The following DAB1 variants were observed in gnomAD, a reference collection of about 807,000 sequenced individuals.
DAB1 encodes the protein DAB adaptor protein 1.
In DAB1, 15 loss-of-function variants were observed where a neutral mutation model predicts 64.6. That is an observed-to-expected ratio of 0.23 (90% confidence interval 0.16 to 0.36). The LOEUF (loss-of-function observed/expected upper bound fraction) is 0.36. DAB1 is among the 10% of genes least tolerant of loss of function. The probability of loss-of-function intolerance (pLI) is 1.00; values close to 1 mark genes in which losing one functional copy is unlikely to be tolerated. For missense variants in DAB1, 596 were observed against 706.7 expected, an observed-to-expected ratio of 0.84 and a Z score of 1.78; for synonymous variants, 235 against 251.9, an observed-to-expected ratio of 0.93 and a Z score of 0.64.
intron 2 of DAB1, among the ~76,000 whole-genome samples, chr1:57,172,791 C>G (rs1661911309): frequency 6.6e-6 from 1 of 152,120 alleles, no homozygotes; most frequent in Non-Finnish European, 1.5e-5. Context: ...GCCCCATGAC[C>G]CAAACATCTC....
intron 2 of DAB1, among the ~76,000 whole-genome samples, chr1:57,203,597 A>G (rs1665285407): frequency 6.6e-6 from 1 of 152,230 alleles, no homozygotes; most frequent in Admixed American, 6.5e-5. Context: ...TACTGTGGAC[A>G]AATTGGCCAG....
intron 6 of DAB1, among the ~76,000 whole-genome samples, chr1:57,667,551 C>G (rs142171686): frequency 6.6e-6 from 1 of 152,072 alleles, no homozygotes; most frequent in African/African-American, 2.4e-5. Context: ...CCACACCTGT[C>G]TTGTCATAGA....
chr1:57,784,450 A>C (rs183282038), intron 6 of DAB1, among the ~76,000 whole-genome samples: 1 of 152,174 alleles, frequency 6.6e-6, no homozygotes. Flanking sequence ...TAAACAGCCA[A>C]GTTATACATG....
At chr1:57,918,634 C>T (rs1343034801) in intron 5 of DAB1, among the ~76,000 whole-genome samples, 1 of 152,096 alleles carries the variant, frequency 6.6e-6, no homozygotes, top group East Asian at 1.9e-4. Flanking sequence ...ACCATCCTGG[C>T]TAACACAGTG....
At chr1:57,262,082 A>C (rs1205180957) in intron 2 of DAB1, among the ~76,000 whole-genome samples, 1 of 152,206 alleles carries the variant, frequency 6.6e-6, no homozygotes, top group Non-Finnish European at 1.5e-5. Context: ...TCAACAGGGG[A>C]AACAATTCTG....
At chr1:57,064,978 T>C (rs1489011257) in intron 8 of DAB1, among the ~76,000 whole-genome samples, 1 of 152,176 alleles carries the variant, frequency 6.6e-6, no homozygotes, top group Non-Finnish European at 1.5e-5. Context: ...CAACCTTTAC[T>C]GAGAAAAATG....
intron 1 of DAB1, among the ~76,000 whole-genome samples, chr1:57,367,949 C>T (rs975023880): frequency 2.6e-5 from 4 of 152,226 alleles, no homozygotes; most frequent in African/African-American, 9.6e-5. Context: ...CCGCCCAAAC[C>T]ACAGCTGTGG....
At chr1:57,240,033 G>T (rs1043796176) in intron 2 of DAB1, among the ~76,000 whole-genome samples, 1 of 152,066 alleles carries the variant, frequency 6.6e-6, no homozygotes, top group Non-Finnish European at 1.5e-5. Context: ...ATCTGTCTAG[G>T]GCACAATGCA....
intron 4 of DAB1, among the ~76,000 whole-genome samples, chr1:57,123,292 G>A (rs746975093): frequency 3.9e-5 from 6 of 152,000 alleles, no homozygotes; most frequent in African/African-American, 9.7e-5. Context: ...ATCCTTTGGC[G>A]TCATTCAGAT....
chr1:57,085,032 T>C (rs1652933179), intron 4 of DAB1, among the ~76,000 whole-genome samples: 1 of 152,220 alleles, frequency 6.6e-6, no homozygotes, highest in Admixed American at 6.5e-5. Context: ...AACACCGTTC[T>C]GTAGCCATCT....
intron 1 of DAB1, among the ~76,000 whole-genome samples, chr1:57,830,569 T>C (rs1652541245): frequency 6.6e-6 from 1 of 152,152 alleles, no homozygotes; most frequent in African/African-American, 2.4e-5. Flanking sequence ...TGAGTATGTA[T>C]GTCTCCTTAC....
chr1:57,325,999 C>T (rs536861036), intron 1 of DAB1, among the ~76,000 whole-genome samples: 17 of 152,174 alleles, frequency 1.1e-4, no homozygotes, highest in Admixed American at 5.9e-4. Context: ...AGAAATCACC[C>T]GCAAATGATT....
intron 7 of DAB1, among the ~76,000 whole-genome samples, chr1:57,471,614 T>G (rs538784258): frequency 2.0e-5 from 3 of 152,280 alleles, no homozygotes; most frequent in African/African-American, 7.2e-5. Flanking sequence ...TCTGTTGGTT[T>G]TAAAAAGGGG....
At chr1:57,780,762 T>C (rs1323830) in intron 6 of DAB1, among the ~76,000 whole-genome samples, 74,840 of 147,440 alleles carry the variant, frequency 0.51, 19,384 homozygotes, top group South Asian at 0.64. Flanking sequence ...TTCTTTTTTC[T>C]TTTTTTTTTG....
In DAB1 at chr1:57,047,608, G is replaced by A. The variant is rs138177052; in HGVS notation, c.723+15276C>T. ...AGACCTCTCACTAGGAATGGAGTCC[G>A]CTAGCACCTTGATCTTGGACTTCAC... On this transcript the variant is annotated intron_variant, in intron 9 of 14. Coordinates refer to ENST00000371236, the MANE Select transcript of DAB1 (RefSeq NM_001365792.1). 3.8e-3 allele frequency among the ~76,000 whole-genome samples: 578 copies of A among 152,312 alleles called. 4 individuals are homozygous for A. Among genetic ancestry groups the A allele is most frequent in the Middle Eastern group, 0.014 (4 of 294 alleles).
Position 57,277,120 on chromosome 1 carries a change from A to G in DAB1, c.67+13844T>C, listed in dbSNP as rs192056109. ...TGACGTGCTAAAGTCCGCGATAGGC[A>G]CCTTCACACATGTACTCAGCAGTTT... On this transcript the variant is annotated intron_variant, in intron 2 of 14. Transcript: ENST00000371236. Among the ~76,000 whole-genome samples the G allele has an allele frequency of 2.4e-3, 359 of 152,314 alleles. 2 individuals are homozygous for G. Among genetic ancestry groups the G allele is most frequent in the Non-Finnish European group, 4.2e-3 (287 of 68,034 alleles).
intron 12 of DAB1, among the ~76,000 whole-genome samples, chr1:57,013,035 C>T (rs1278933002): frequency 1.3e-5 from 2 of 152,206 alleles, no homozygotes; most frequent in African/African-American, 4.8e-5. Context: ...TCATTTTTCT[C>T]GACACTAGAG....
intron 2 of DAB1, among the ~76,000 whole-genome samples, chr1:57,235,707 T>TAAAAAAA (rs146853725): frequency 1.4e-5 from 2 of 148,032 alleles, no homozygotes; most frequent in Non-Finnish European, 3.0e-5. Context: ...TTCAAAACTT[T>TAAAAAAA]AAAAAAGAAA....
At chr1:57,458,973 AC>A (rs1686692420) in intron 7 of DAB1, among the ~76,000 whole-genome samples, 1 of 152,110 alleles carries the variant, frequency 6.6e-6, no homozygotes, top group Non-Finnish European at 1.5e-5. Context: ...AATGAGTATT[AC>A]TTTTATAATC....
Sources: allele counts gnomAD v4.1 joint callset (sites outside exome capture counted in the v4.1 genomes callset), GRCh38; gene constraint gnomAD v4.1.1; transcripts MANE v1.5; gene names NCBI Gene and HGNC (gene_info 2026-07-23, HGNC 2026-07-21).